Variants in FHIT observed in about 807,000 individuals in gnomAD.
FHIT encodes fragile histidine triad diadenosine triphosphatase.
In FHIT, 19 loss-of-function variants were observed where a neutral mutation model predicts 17.9. The observed-to-expected ratio is 1.06, with a 90% confidence interval of 0.74 to 1.56. The LOEUF (loss-of-function observed/expected upper bound fraction) is 1.56, where lower values mean the gene tolerates loss of function less well. Among genes scored for constraint, FHIT ranks in the 40% most tolerant of loss-of-function variants. The probability of loss-of-function intolerance (pLI) is 0.00; values close to 1 mark genes in which losing one functional copy is unlikely to be tolerated. For missense variants in FHIT, 248 were observed against 189.2 expected, an observed-to-expected ratio of 1.31 and a Z score of -1.82; for synonymous variants, 81 against 69.7, an observed-to-expected ratio of 1.16 and a Z score of -0.81.
At chr3:60,183,192 G>A (rs1434246092) in intron 5 of FHIT, among the ~76,000 whole-genome samples, 2 of 152,144 alleles carry the variant, frequency 1.3e-5, no homozygotes, top group African/African-American at 4.8e-5. Context: ...GAGGTCAGGA[G>A]TTTGAGAACA....
chr3:60,607,198 T>C (rs2040377), intron 4 of FHIT, among the ~76,000 whole-genome samples: 1 of 151,964 alleles, frequency 6.6e-6, no homozygotes, highest in Non-Finnish European at 1.5e-5. Flanking sequence ...AAAGCCCTTC[T>C]CCCAGCTGAA....
intron 8 of FHIT, among the ~76,000 whole-genome samples, chr3:59,920,672 C>A (rs943244352): frequency 3.9e-5 from 6 of 152,186 alleles, no homozygotes. Flanking sequence ...ATATAATTCA[C>A]GTGCTAATTT....
intron 5 of FHIT, among the ~76,000 whole-genome samples, chr3:60,235,794 G>A (rs1309754940): frequency 6.6e-6 from 1 of 152,160 alleles, no homozygotes; most frequent in Non-Finnish European, 1.5e-5. Flanking sequence ...AAACAGGTTA[G>A]TTCTCACAGG....
chr3:61,208,466 A>C (rs1483603440), intron 1 of FHIT, among the ~76,000 whole-genome samples: 1 of 151,926 alleles, frequency 6.6e-6, no homozygotes, highest in Admixed American at 6.6e-5. Context: ...TTTGTAGGTC[A>C]CTCAGGACTT....
At chr3:59,776,930 T>C (rs939320587) in intron 8 of FHIT, among the ~76,000 whole-genome samples, 2 of 152,162 alleles carry the variant, frequency 1.3e-5, no homozygotes, top group Non-Finnish European at 2.9e-5. Context: ...TCTTAACCTA[T>C]AACTCCTGTT....
chr3:60,642,727 C>A (rs1041982926), intron 4 of FHIT, among the ~76,000 whole-genome samples: 13 of 152,130 alleles, frequency 8.5e-5, no homozygotes, highest in African/African-American at 1.2e-4. Flanking sequence ...CTCTTCCCCC[C>A]ACCTCCCCCG....
chr3:60,592,142 T>G (rs2038105347), intron 4 of FHIT, among the ~76,000 whole-genome samples: 1 of 149,476 alleles, frequency 6.7e-6, no homozygotes, highest in African/African-American at 2.4e-5. Flanking sequence ...CTCCACATTG[T>G]ATCAAAATTA....
intron 5 of FHIT, among the ~76,000 whole-genome samples, chr3:60,327,142 C>T (rs368476713): frequency 2.0e-4 from 30 of 152,266 alleles, no homozygotes; most frequent in East Asian, 1.4e-3. Context: ...GAGCTTACCC[C>T]TCTATAACAC....
intron 8 of FHIT, among the ~76,000 whole-genome samples, chr3:59,915,259 T>C (rs1219842733): frequency 1.3e-5 from 2 of 152,184 alleles, no homozygotes; most frequent in African/African-American, 4.8e-5. Context: ...GAAAGCCTGA[T>C]TCGTGAAATA....
intron 5 of FHIT, among the ~76,000 whole-genome samples, chr3:60,111,466 G>A (rs1559641760): frequency 1.3e-5 from 2 of 152,174 alleles, no homozygotes; most frequent in Admixed American, 6.5e-5. Flanking sequence ...TGACACCCTA[G>A]AAAAATGATG....
chr3:60,102,955 G>A lies in FHIT; in HGVS notation c.104-88803C>T, dbSNP rs115833133. Among the ~76,000 whole-genome samples the A allele has an allele frequency of 3.3e-3, 506 of 152,240 alleles. 4 individuals carry two copies. The highest frequency in any genetic ancestry group is 0.012 in the African/African-American group (478 of 41,548). ...CGAAGGTGCCATATGGGGGAGTTGT[G>A]GAAAGTCAAATAATTCCTAGACTTT... On this transcript the variant is annotated intron_variant, in intron 5 of 9. Coordinates refer to ENST00000492590, the MANE Select transcript of FHIT (RefSeq NM_002012.4).
At chr3:60,862,493 G>C (rs1191756986) in intron 3 of FHIT, among the ~76,000 whole-genome samples, 4 of 152,066 alleles carry the variant, frequency 2.6e-5, no homozygotes, top group African/African-American at 9.7e-5. Context: ...TTTTCAAACA[G>C]CTTAAACACA....
chr3:59,987,012 TA>T (rs1349511414), intron 7 of FHIT, among the ~76,000 whole-genome samples: 11 of 122,890 alleles, frequency 9.0e-5, no homozygotes, highest in East Asian at 2.2e-4. Flanking sequence ...TATTAAAAAA[TA>T]AAAAAATAAA....
chr3:60,931,607 C>T (rs1177530532), intron 3 of FHIT, among the ~76,000 whole-genome samples: 5 of 152,004 alleles, frequency 3.3e-5, no homozygotes, highest in African/African-American at 9.7e-5. Flanking sequence ...TGTTTGTAAA[C>T]GAAACTCCAT....
chr3:60,480,093 A>T (rs995207162), intron 5 of FHIT, among the ~76,000 whole-genome samples: 2 of 152,170 alleles, frequency 1.3e-5, no homozygotes, highest in African/African-American at 4.8e-5. Flanking sequence ...AGGCCTCAGG[A>T]AACTTACAAT....
At chr3:60,647,803 A>T (rs894277814) in intron 4 of FHIT, among the ~76,000 whole-genome samples, 21 of 152,222 alleles carry the variant, frequency 1.4e-4, no homozygotes, top group Non-Finnish European at 1.5e-4. Context: ...ACAATGCAGA[A>T]AATTATTGCA....
chr3:60,703,313 C>A (rs2041292311), intron 4 of FHIT, among the ~76,000 whole-genome samples: 1 of 152,158 alleles, frequency 6.6e-6, no homozygotes, highest in African/African-American at 2.4e-5. Context: ...TGATTTTGAA[C>A]CTCTAGCTTT....
intron 3 of FHIT, among the ~76,000 whole-genome samples, chr3:61,006,722 C>T (rs1347225618): frequency 6.6e-6 from 1 of 151,200 alleles, no homozygotes; most frequent in Non-Finnish European, 1.5e-5. Flanking sequence ...CTTAAGTTTG[C>T]TGAATTACTG....
chr3:60,170,066 G>C (rs902288076), intron 5 of FHIT, among the ~76,000 whole-genome samples: 8 of 152,108 alleles, frequency 5.3e-5, no homozygotes, highest in African/African-American at 1.2e-4. Context: ...GATTGGAGAA[G>C]GCGCCTTCTG....
Sources: allele counts gnomAD v4.1 joint callset (sites outside exome capture counted in the v4.1 genomes callset), GRCh38; gene constraint gnomAD v4.1.1; transcripts MANE v1.5; gene names NCBI Gene and HGNC (gene_info 2026-07-23, HGNC 2026-07-21).